The following NAV3 variants were observed in gnomAD, a reference collection of about 807,000 sequenced individuals.
NAV3 encodes the protein neuron navigator 3.
In NAV3, 87 loss-of-function variants were observed where a neutral mutation model predicts 244.7. The observed-to-expected ratio is 0.36, with a 90% CI of 0.30 to 0.42. The LOEUF (loss-of-function observed/expected upper bound fraction) is 0.42. Ranked by LOEUF, NAV3 falls within the 20% of genes least tolerant of loss-of-function variation. NAV3 has a pLI of 1.00. For missense variants in NAV3, 2,663 were observed against 2,893.3 expected, an observed-to-expected ratio of 0.92 and a Z score of 1.83; for synonymous variants, 1,126 against 1,042.2, an observed-to-expected ratio of 1.08 and a Z score of -1.55.
rs750316390 is a variant in NAV3, at chr12:78,050,785, C to T, written c.2154C>T (p.Asp718=). 2.5e-6 allele frequency: 4 copies of T among 1,602,160 alleles called. No individual in the cohort carries two copies. Among genetic ancestry groups the T allele is most frequent in the African/African-American group, 2.7e-5 (2 of 74,682 alleles). ...ACAGCACCCTGGAGACAACATTTGA[C>T]AGCACTGTGACAACAGAAGTTAATG... The part of the protein sequence containing the change: ...ISHSTLETTF[D]STVTTEVNGR... Residue 718 remains aspartate, a synonymous_variant, in exon 11 of 40, where the codon GAC becomes GAT. Coordinates refer to ENST00000397909, the MANE Select transcript of NAV3 (RefSeq NM_001024383.2).
chr12:77,969,716 G>A (rs1266475134), intron 5 of NAV3, among the ~76,000 whole-genome samples: 1 of 152,116 alleles, frequency 6.6e-6, no homozygotes, highest in Non-Finnish European at 1.5e-5. Flanking sequence ...GTGGTGACAG[G>A]TGCGTGTAAT....
intron 2 of NAV3, among the ~76,000 whole-genome samples, chr12:77,726,277 TC>T (rs1346653917): frequency 6.6e-6 from 1 of 151,994 alleles, no homozygotes; most frequent in Admixed American, 6.6e-5. Flanking sequence ...TCAGTGAATA[TC>T]TTTTTCACAG....
intron 23 of NAV3, among the ~76,000 whole-genome samples, chr12:78,164,851 TC>T (rs2139490850): frequency 6.6e-6 from 1 of 152,096 alleles, no homozygotes; most frequent in Admixed American, 6.6e-5. Flanking sequence ...GCCTAGAAGG[TC>T]AAGTTAGTTG....
At chr12:77,721,723 G>A (rs1876640870) in intron 2 of NAV3, among the ~76,000 whole-genome samples, 1 of 152,102 alleles carries the variant, frequency 6.6e-6, no homozygotes, top group Non-Finnish European at 1.5e-5. Context: ...CTTCTAAACA[G>A]CCATTTTTGG....
intron 2 of NAV3, among the ~76,000 whole-genome samples, chr12:77,716,160 CATAA>C (rs149128779): frequency 0.018 from 2,723 of 151,932 alleles, 76 homozygotes; most frequent in African/African-American, 0.062. Flanking sequence ...ATCTTAAGGT[CATAA>C]ATATTTTTTC....
intron 1 of NAV3, among the ~76,000 whole-genome samples, chr12:77,902,219 A>T (rs1885383443): frequency 1.3e-5 from 2 of 152,192 alleles, no homozygotes; most frequent in African/African-American, 4.8e-5. Flanking sequence ...TTTGCCGGAA[A>T]TTGGTTTCTA....
intron 9 of NAV3, among the ~76,000 whole-genome samples, chr12:78,047,971 G>C (rs543857253): frequency 6.6e-6 from 1 of 151,574 alleles, no homozygotes; most frequent in Non-Finnish European, 1.5e-5. Flanking sequence ...CTTCAATCTC[G>C]GATATCCTTC....
intron 2 of NAV3, among the ~76,000 whole-genome samples, chr12:77,689,797 A>G (rs1380185104): frequency 2.0e-5 from 3 of 151,932 alleles, no homozygotes; most frequent in South Asian, 2.1e-4. Flanking sequence ...AACATTTTAC[A>G]TAATGCATAT....
At chr12:78,209,733 G>T (rs1413650489) in intron 39 of NAV3, among the ~76,000 whole-genome samples, 1 of 152,142 alleles carries the variant, frequency 6.6e-6, no homozygotes, top group Non-Finnish European at 1.5e-5. Flanking sequence ...GGAAACTTGA[G>T]ACAGCCACTA....
chr12:77,709,180 A>T (rs1875983338), intron 2 of NAV3, among the ~76,000 whole-genome samples: 1 of 152,214 alleles, frequency 6.6e-6, no homozygotes, highest in Non-Finnish European at 1.5e-5. Context: ...TCCAGCATAT[A>T]AACAGAACCA....
At chr12:78,138,361 C>T (rs980761231) in intron 19 of NAV3, among the ~76,000 whole-genome samples, 3 of 151,988 alleles carry the variant, frequency 2.0e-5, no homozygotes, top group Admixed American at 6.6e-5. Flanking sequence ...AATTCTGTTC[C>T]ATGATCTTTT....
chr12:77,874,621 A>C lies in NAV3; in HGVS notation c.243+42917A>C, dbSNP rs543397153. Among the ~76,000 whole-genome samples, 5 of 152,310 alleles carry C rather than the reference A, an allele frequency of 3.3e-5. No individual in the cohort carries two copies. The East Asian group carries it at 9.6e-4, about 29-fold the overall frequency. ...ATTTCTTGTGGTTAGTAAAAAAAAA[A>C]ATCTAATTTCACTCTATATTGTCTT... On this transcript the variant is annotated intron_variant, in intron 1 of 39. Transcript: ENST00000397909.
intron 5 of NAV3, among the ~76,000 whole-genome samples, chr12:77,982,100 T>G (rs1869672210): frequency 1.3e-5 from 2 of 152,240 alleles, no homozygotes; most frequent in African/African-American, 2.4e-5. Context: ...TATAGTTTAT[T>G]CAACTACTTT....
chr12:78,184,285 A>T (rs1958619194), intron 30 of NAV3, among the ~76,000 whole-genome samples: 1 of 151,938 alleles, frequency 6.6e-6, no homozygotes, highest in South Asian at 2.1e-4. Flanking sequence ...TAAGACAAGT[A>T]CTAAAGTAAT....
intron 20 of NAV3, among the ~76,000 whole-genome samples, chr12:78,143,226 G>C (rs1225279388): frequency 1.3e-5 from 2 of 152,132 alleles, no homozygotes; most frequent in African/African-American, 4.8e-5. Context: ...GAAAATATTA[G>C]CTAGATCTAA....
intron 7 of NAV3, 81 bp downstream of exon 7, chr12:77,998,557 G>A (rs530248152): frequency 3.3e-5 from 48 of 1,435,190 alleles, no homozygotes; most frequent in African/African-American, 1.3e-4. Flanking sequence ...TTTGAGCAGC[G>A]TAACAACTTT....
chr12:77,623,657 T>A (rs117285661), intron 2 of NAV3, among the ~76,000 whole-genome samples: 2,169 of 152,334 alleles, frequency 0.014, 24 homozygotes, highest in Non-Finnish European at 0.024. Context: ...GAAAGGTATC[T>A]TTATACACTT....
chr12:77,983,937 A>T (rs897146189), intron 5 of NAV3, among the ~76,000 whole-genome samples: 7 of 152,320 alleles, frequency 4.6e-5, no homozygotes, highest in African/African-American at 1.7e-4. Context: ...AATTAACTAT[A>T]TTGAACATAT....
intron 2 of NAV3, among the ~76,000 whole-genome samples, chr12:77,696,689 T>C (rs1256839677): frequency 6.6e-6 from 1 of 152,070 alleles, no homozygotes; most frequent in Non-Finnish European, 1.5e-5. Flanking sequence ...CTTGGGAAAA[T>C]TGGGAGGTTA....
Sources: gnomAD v4.1 joint callset for allele counts (sites outside exome capture counted in the v4.1 genomes callset) on GRCh38, gnomAD v4.1.1 for gene constraint, MANE v1.5 for transcripts, NCBI Gene and HGNC (gene_info 2026-07-23, HGNC 2026-07-21) for gene names.